ARHGAP24: variants seen among roughly 807,000 people sequenced by gnomAD.
ARHGAP24 encodes the protein Rho GTPase activating protein 24, also known as rho GTPase-activating protein 24.
A neutral mutation model predicts 76.4 loss-of-function variants in ARHGAP24; 50 were observed. That is an observed-to-expected ratio of 0.65 (90% CI 0.52 to 0.83). The LOEUF is 0.83. ARHGAP24 is among the 40% of genes least tolerant of loss of function. The pLI is 0.00. For synonymous variants in ARHGAP24, 345 were observed against 323.3 expected (o/e 1.07, Z -0.72); for missense variants, 930 against 914.2 (o/e 1.02, Z -0.22).
intron 1 of ARHGAP24, among the ~76,000 whole-genome samples, chr4:85,539,273 A>G (rs1474703462): frequency 6.6e-6 from 1 of 152,210 alleles, no homozygotes. Flanking sequence ...CCTTCCTTCC[A>G]AGTCTTTACT....
chr4:85,609,358 C>T (rs1047268819), intron 2 of ARHGAP24, among the ~76,000 whole-genome samples: 1 of 152,094 alleles, frequency 6.6e-6, no homozygotes, highest in African/African-American at 2.4e-5. Context: ...TGTCCTCGTC[C>T]AATTGATCCT....
chr4:85,516,687 A>G (rs1289673771), intron 1 of ARHGAP24, among the ~76,000 whole-genome samples: 1 of 26,306 alleles, frequency 3.8e-5, no homozygotes, highest in Non-Finnish European at 2.1e-4. Context: ...AAAGTTTTAA[A>G]GATTTAGTCT....
chr4:85,966,110 C>T (rs2148846370), intron 5 of ARHGAP24, among the ~76,000 whole-genome samples: 1 of 152,234 alleles, frequency 6.6e-6, no homozygotes, highest in East Asian at 1.9e-4. Context: ...ATAACTGTCT[C>T]TGACTGGATT....
chr4:85,795,942 T>C (rs1354619518), intron 3 of ARHGAP24, among the ~76,000 whole-genome samples: 1 of 152,284 alleles, frequency 6.6e-6, no homozygotes, highest in Admixed American at 6.5e-5. Context: ...TGGATCAATA[T>C]AGGTGCATTA....
intron 2 of ARHGAP24, among the ~76,000 whole-genome samples, chr4:85,627,298 A>C (rs1386534230): frequency 6.6e-6 from 1 of 151,406 alleles, no homozygotes; most frequent in Non-Finnish European, 1.5e-5. Flanking sequence ...AACAGACAGG[A>C]CCCTCAGCTG....
rs112046940 is a variant in ARHGAP24, at chr4:85,911,263, C to T, written c.269-12385C>T. Among the ~76,000 whole-genome samples the T allele has an allele frequency of 2.4e-3, 367 of 152,292 alleles. 2 individuals are homozygous for T. The highest frequency in any genetic ancestry group is 8.4e-3 in the African/African-American group (349 of 41,574). On this transcript the variant is annotated intron_variant, in intron 3 of 9. Transcript: ENST00000395184. Reference sequence around the variant, plus strand: ...AATGGGGTGGGGCTCCCACTTGTACCGGGCTCCACTTGTCCCTGGCTCCTG... The same window carrying T: ...AATGGGGTGGGGCTCCCACTTGTACTGGGCTCCACTTGTCCCTGGCTCCTG...
At chr4:85,833,744 A>G (rs1030689534) in intron 3 of ARHGAP24, among the ~76,000 whole-genome samples, 7 of 152,248 alleles carry the variant, frequency 4.6e-5, no homozygotes, top group Non-Finnish European at 7.3e-5. Context: ...GAAGGTACAA[A>G]CAGTTTTCTA....
chr4:85,491,416 C>G (rs962986505), intron 1 of ARHGAP24, among the ~76,000 whole-genome samples: 14 of 152,124 alleles, frequency 9.2e-5, no homozygotes, highest in African/African-American at 3.4e-4. Context: ...AGAAACTGTT[C>G]TATTCTGGTA....
chr4:85,923,383 G>C (rs966525799), intron 3 of ARHGAP24, among the ~76,000 whole-genome samples: 2 of 152,124 alleles, frequency 1.3e-5, no homozygotes, highest in Admixed American at 1.3e-4. Context: ...AATTGATGCA[G>C]GCCTGTGGGT....
At chr4:85,659,116 G>T (rs572738607) in intron 2 of ARHGAP24, among the ~76,000 whole-genome samples, 2 of 152,158 alleles carry the variant, frequency 1.3e-5, no homozygotes, top group Admixed American at 1.3e-4. Context: ...CAGATATCTC[G>T]TGGGTAGAAG....
intron 8 of ARHGAP24, among the ~76,000 whole-genome samples, chr4:85,978,579 A>G (rs1038967788): frequency 2.0e-5 from 3 of 152,186 alleles, no homozygotes; most frequent in African/African-American, 7.2e-5. Flanking sequence ...TTTCTATCTG[A>G]GGAGTTTAGC....
intron 3 of ARHGAP24, among the ~76,000 whole-genome samples, chr4:85,737,629 A>G (rs1212086386): frequency 6.6e-6 from 1 of 152,200 alleles, no homozygotes; most frequent in Non-Finnish European, 1.5e-5. Context: ...AGATGATAAT[A>G]TTGCACTTTT....
chr4:85,962,983 C>A (rs1352289067), intron 5 of ARHGAP24, among the ~76,000 whole-genome samples: 1 of 151,404 alleles, frequency 6.6e-6, no homozygotes, highest in Non-Finnish European at 1.5e-5. Context: ...AATAATTCTA[C>A]AAAGAACAAA....
chr4:85,757,499 G>A (rs1726554276), intron 3 of ARHGAP24, among the ~76,000 whole-genome samples: 1 of 152,056 alleles, frequency 6.6e-6, no homozygotes, highest in African/African-American at 2.4e-5. Flanking sequence ...AGTTTGCTGA[G>A]AATGATGGTT....
intron 3 of ARHGAP24, among the ~76,000 whole-genome samples, chr4:85,781,619 A>G (rs1578221062): frequency 6.8e-6 from 1 of 145,996 alleles, no homozygotes; most frequent in East Asian, 2.1e-4. Flanking sequence ...ATTTTTCCTA[A>G]GTGTTAAAGC....
chr4:85,930,783 A>T, intron 4 of ARHGAP24: 1 of 1,444,518 alleles, frequency 6.9e-7, no homozygotes, highest in Non-Finnish European at 9.1e-7. Context: ...TCCCTAAGCC[A>T]GGACCTGGAT....
chr4:85,980,926 C>T (rs1739624219), intron 8 of ARHGAP24, among the ~76,000 whole-genome samples: 1 of 152,194 alleles, frequency 6.6e-6, no homozygotes, highest in Non-Finnish European at 1.5e-5. Flanking sequence ...CAACTAGCAC[C>T]ATATTCTTCA....
At chr4:85,760,514 A>G (rs1726693649) in intron 3 of ARHGAP24, among the ~76,000 whole-genome samples, 1 of 152,214 alleles carries the variant, frequency 6.6e-6, no homozygotes, top group African/African-American at 2.4e-5. Context: ...TAAGTTTCCC[A>G]TATGGCAACA....
chr4:85,545,008 A>T (rs1725861769), intron 1 of ARHGAP24, among the ~76,000 whole-genome samples: 1 of 152,022 alleles, frequency 6.6e-6, no homozygotes, highest in Admixed American at 6.6e-5. Flanking sequence ...GACTGAATTA[A>T]CACTCACTAG....
Sources: gnomAD v4.1 joint callset for allele counts (sites outside exome capture counted in the v4.1 genomes callset) on GRCh38, gnomAD v4.1.1 for gene constraint, MANE v1.5 for transcripts, NCBI Gene and HGNC (gene_info 2026-07-23, HGNC 2026-07-21) for gene names.